TGM7: variants seen among roughly 807,000 people sequenced by gnomAD.
The protein encoded by TGM7 is protein-glutamine gamma-glutamyltransferase Z.
Under a neutral mutation model 79.5 loss-of-function variants are expected in TGM7, and 74 were observed. The observed-to-expected ratio is 0.93, with a 90% CI of 0.77 to 1.13. The LOEUF (loss-of-function observed/expected upper bound fraction) is 1.13, where lower values mean the gene tolerates loss of function less well. TGM7 is among the 50% of genes most tolerant of loss of function. TGM7 has a pLI of 0.00. For missense variants in TGM7, 912 were observed against 905.9 expected (o/e 1.01, Z -0.09); for synonymous variants, 354 against 362.5 (o/e 0.98, Z 0.27).
rs753435268 is a variant in TGM7 at position 43,292,077 on chromosome 15, T to A, written c.460A>T (p.Ser154Cys). 9 of 1,613,802 alleles carry A rather than the reference T, an allele frequency of 5.6e-6. No homozygotes were observed. The South Asian group carries it at 9.9e-5, about 18-fold the overall frequency. Residue 154 changes from serine to cysteine, a missense_variant, in exon 4 of 13, where the codon AGT becomes TGT. Coordinates refer to ENST00000452443, the MANE Select transcript of TGM7 (RefSeq NM_052955.3). ...ATATACTCCTGCAGCAGTATTTCAC[T>A]TGGCAGGTAGACGTCGTCCTCTGAG... ...WSPEDDVYLP[S>C]EILLQEYIMR...
intron 6 of TGM7, 113 bp downstream of exon 6, chr15:43,287,167 C>T (rs1289565258): frequency 4.6e-6 from 6 of 1,316,778 alleles, no homozygotes; most frequent in Admixed American, 2.2e-5. Flanking sequence ...GCCTGGGTGC[C>T]CACCACCCCC....
chr15:43,279,971 G>C lies in TGM7; in HGVS notation c.1352-20C>G. The C allele has an allele frequency of 2.5e-6, 4 of 1,606,348 alleles. No individual in the cohort carries two copies. The South Asian group carries it at 4.4e-5, about 18-fold the overall frequency. ...GGGATCCTGCAGAAGGGAGAGGTAG[G>C]AGAGACATGCATGGGGAGGGGTGGA... On this transcript the variant is annotated intron_variant, in intron 9 of 12. Transcript: ENST00000452443.
intron 1 of TGM7, among the ~76,000 whole-genome samples, chr15:43,299,129 GT>G (rs1181846900): frequency 1.3e-5 from 2 of 152,152 alleles, no homozygotes; most frequent in Non-Finnish European, 2.9e-5. Flanking sequence ...TTTCCTTTAG[GT>G]TTTTTGGCTT....
chr15:43,286,187 C>T (rs577239649), intron 6 of TGM7, among the ~76,000 whole-genome samples: 59 of 152,280 alleles, frequency 3.9e-4, no homozygotes, highest in African/African-American at 1.2e-3. Flanking sequence ...CCTTAGCAGG[C>T]GTGGGAGCTA....
At position 43,292,899 on chromosome 15, in the gene TGM7, G is replaced by A; in HGVS notation, c.249C>T (p.Val83=). ...GTRATFFLTR[V]QPGNVWSASD... ...AAGCGCTCCAGACATTCCCGGGCTG[G>A]ACCCGGGTGAGGAAGAATGTGGCTC... Residue 83 remains valine, a synonymous_variant, in exon 3 of 13, where the codon GTC becomes GTT. Coordinates refer to ENST00000452443, the MANE Select transcript of TGM7 (RefSeq NM_052955.3). 1.2e-6 allele frequency: 2 copies of A among 1,613,902 alleles called. No homozygotes were observed. The highest frequency in any genetic ancestry group is 4.5e-5 in the East Asian group (2 of 44,884).
chr15:43,302,197 T>C (rs546677002), intron 1 of TGM7, 44 bp downstream of exon 1: 6 of 1,613,834 alleles, frequency 3.7e-6, no homozygotes, highest in Non-Finnish European at 5.1e-6. Context: ...TCCCCTCTCT[T>C]GACTTAGCAC....
intron 7 of TGM7, among the ~76,000 whole-genome samples, chr15:43,284,159 A>G (rs2042923248): frequency 6.6e-6 from 1 of 152,176 alleles, no homozygotes. Flanking sequence ...AGTTCGCACC[A>G]TTGCACTCCA....
intron 1 of TGM7, among the ~76,000 whole-genome samples, chr15:43,297,651 A>AAGAAAGAAAGAAAG (rs2043006157): frequency 6.9e-6 from 1 of 145,112 alleles, no homozygotes; most frequent in African/African-American, 2.5e-5. Context: ...AAGAAAGAAA[A>AAGAAAGAAAGAAAG]AGACATTGAA....
intron 1 of TGM7, among the ~76,000 whole-genome samples, chr15:43,297,490 A>G (rs1490832717): frequency 7.2e-6 from 1 of 138,556 alleles, no homozygotes; most frequent in Non-Finnish European, 1.5e-5. Flanking sequence ...AGAGAAAGAG[A>G]AAGAAAAAGA....
At chr15:43,301,030 G>A (rs190626910) in intron 1 of TGM7, among the ~76,000 whole-genome samples, 16 of 152,042 alleles carry the variant, frequency 1.1e-4, no homozygotes, top group African/African-American at 1.4e-4. Context: ...CTCCCAGGCC[G>A]GAGTGCAGTG....
chr15:43,301,667 C>G (rs1310780851), intron 1 of TGM7, among the ~76,000 whole-genome samples: 2 of 151,890 alleles, frequency 1.3e-5, no homozygotes, highest in Non-Finnish European at 2.9e-5. Context: ...AATACATGAC[C>G]CATGTTTAGT....
chr15:43,297,254 GAC>G (rs1273260551), intron 1 of TGM7, among the ~76,000 whole-genome samples: 3 of 152,018 alleles, frequency 2.0e-5, no homozygotes, highest in Non-Finnish European at 4.4e-5. Flanking sequence ...AGGAGTTCGA[GAC>G]CAGCTGACCA....
intron 8 of TGM7, 56 bp from the exon 9 acceptor site, chr15:43,282,142 G>C: frequency 6.3e-7 from 1 of 1,598,260 alleles, no homozygotes; most frequent in South Asian, 1.1e-5. Context: ...TTGTGGCTGT[G>C]GGAGGTGGAG....
chr15:43,288,846 C>G (rs147061050), intron 4 of TGM7, among the ~76,000 whole-genome samples: 80 of 152,238 alleles, frequency 5.3e-4, no homozygotes, highest in African/African-American at 1.9e-3. Flanking sequence ...GGGAGAATCA[C>G]TTGAACCCAG....
At chr15:43,297,991 G>T (rs925115499) in intron 1 of TGM7, among the ~76,000 whole-genome samples, 3 of 152,208 alleles carry the variant, frequency 2.0e-5, no homozygotes, top group African/African-American at 4.8e-5. Context: ...GATATGCATG[G>T]CTAATGTTCG....
At chr15:43,293,311 A>G in intron 2 of TGM7, 138 bp downstream of exon 2, 4 of 1,157,302 alleles carry the variant, frequency 3.5e-6, no homozygotes, top group Non-Finnish European at 4.9e-6. Flanking sequence ...CAGGGTCCTG[A>G]GCATGAGGGG....
Position 43,287,557 on chromosome 15 carries a change from C to A in TGM7, c.671G>T (p.Arg224Met), listed in dbSNP as rs138232522. The change falls in exon 5 of 13, where the codon AGG (arginine) becomes ATG (methionine). Residue 224 changes from arginine (R) to methionine (M), a missense_variant. Transcript: ENST00000452443. The part of the protein sequence containing the change: ...SQRNDVVYVC[R>M]VVSAMINSND... ...CATCCTTACCATGGCACTCACCACC[C>A]TGCACACATACACCACGTCGTTCCG... 1.1e-4 allele frequency: 172 copies of A among 1,613,990 alleles called. No homozygotes were observed. The African/African-American group carries it at 2.1e-3, about 20-fold the overall frequency.
chr15:43,279,714 C>T lies in TGM7; in HGVS notation c.1589G>A (p.Arg530His), dbSNP rs374003297. The change falls in exon 10 of 13, where the codon CGC becomes CAC. Residue 530 changes from arginine to histidine, a missense_variant. Physicochemically the swap from Arg to His is conservative, Grantham distance 29 (BLOSUM62 0). Coordinates refer to ENST00000452443, the MANE Select transcript of TGM7 (RefSeq NM_052955.3). ...HPRGPIGLVV[R>H]FCAQALLHGG... ...ATGCAGCAGGGCCTGTGCACAGAAG[C>T]GCACCACCAGTCCGATGGGCCCCCG... The T allele has an allele frequency of 2.0e-5, 32 of 1,613,856 alleles. No individual in the cohort carries two copies. Among genetic ancestry groups the T allele is most frequent in the African/African-American group, 5.3e-5 (4 of 74,934 alleles).
chr15:43,300,529 C>T (rs978780384), intron 1 of TGM7, among the ~76,000 whole-genome samples: 1 of 152,166 alleles, frequency 6.6e-6, no homozygotes, highest in Non-Finnish European at 1.5e-5. Context: ...AGGCCGGGCG[C>T]GGTGGCTCAC....
Sources: gnomAD v4.1 joint callset for allele counts (sites outside exome capture counted in the v4.1 genomes callset) on GRCh38, gnomAD v4.1.1 for gene constraint, MANE v1.5 for transcripts, NCBI Gene and HGNC (gene_info 2026-07-23, HGNC 2026-07-21) for gene names.